Variants in SIGLEC7 observed in about 807,000 individuals in gnomAD.
SIGLEC7 encodes sialic acid binding Ig like lectin 7, also known as sialic acid-binding Ig-like lectin 7.
SIGLEC7 carries 33 observed loss-of-function variants against 40.8 expected under a neutral mutation model. That is an observed-to-expected ratio of 0.81 (90% CI 0.61 to 1.08). The LOEUF is 1.08. Ranked by LOEUF, SIGLEC7 falls within the 50% of genes least tolerant of loss-of-function variation. The pLI is 0.00. For synonymous variants in SIGLEC7, 242 were observed against 237.6 expected (o/e 1.02, Z -0.17); for missense variants, 513 against 576.1 (o/e 0.89, Z 1.12).
intron 6 of SIGLEC7, among the ~76,000 whole-genome samples, chr19:51,151,402 A>G (rs2122919574): frequency 6.6e-6 from 1 of 152,324 alleles, no homozygotes; most frequent in Middle Eastern, 3.4e-3. Context: ...TTGGACAAGA[A>G]CGCGGGGGTT....
rs896542794 is a variant in SIGLEC7 at position 51,150,832 on chromosome 19, C to T, written c.1222-2231C>T. On this transcript the variant is annotated intron_variant, in intron 6 of 6. Coordinates refer to ENST00000317643, the MANE Select transcript of SIGLEC7 (RefSeq NM_014385.4). ...GCCATGGGACATCTGTGTGATTAGA[C>T]AGAGGGAGGCAGGACTGAGAGCAGG... is the stretch of plus-strand genomic sequence containing the variant. Among the ~76,000 whole-genome samples the T allele has an allele frequency of 4.6e-5, 7 of 152,220 alleles. No individual in the cohort carries two copies. The East Asian group carries it at 1.4e-3, about 29-fold the overall frequency.
chr19:51,144,368 T>A, intron 1 of SIGLEC7, 38 bp from the exon 2 acceptor site: 1 of 1,566,260 alleles, frequency 6.4e-7, no homozygotes. Flanking sequence ...GTACCATGGA[T>A]CCTCTGTCCT....
chr19:51,144,837 T>A, intron 2 of SIGLEC7, 75 bp from the exon 3 acceptor site: 12 of 1,584,882 alleles, frequency 7.6e-6, no homozygotes, highest in Non-Finnish European at 1.0e-5. Flanking sequence ...TCCCCATTTA[T>A]GCAGCTCCTG....
chr19:51,148,763 T>C (rs1431857634), intron 6 of SIGLEC7, among the ~76,000 whole-genome samples: 2 of 152,232 alleles, frequency 1.3e-5, no homozygotes, highest in African/African-American at 4.8e-5. Context: ...GAAATTACCA[T>C]ACTGCTTTCC....
intron 6 of SIGLEC7, among the ~76,000 whole-genome samples, chr19:51,149,973 C>T (rs1471204197): frequency 6.6e-6 from 1 of 152,104 alleles, no homozygotes; most frequent in East Asian, 1.9e-4. Context: ...TATAGAAATA[C>T]TAGTGATTTT....
chr19:51,142,516 C>T lies in SIGLEC7; in HGVS notation c.147C>T (p.Ser49=). 6.2e-7 allele frequency: 1 copy of T among 1,614,188 alleles called. No individual in the cohort carries two copies. Among genetic ancestry groups the T allele is most frequent in the Non-Finnish European group, 8.5e-7 (1 of 1,180,032 alleles). ...GTGTCCATGTGCGCTGCTCCTTCTC[C>T]TACCCAGTGGACAGCCAGACTGACT... is the stretch of plus-strand genomic sequence containing the variant. ...GMCVHVRCSF[S]YPVDSQTDSD... The change falls in exon 1 of 7, where the codon TCC becomes TCT. Residue 49 remains serine, a synonymous_variant. Transcript: ENST00000317643. This position sits in a 1 kb window ranked among gnomAD's most constrained non-coding sequence, Gnocchi z 5.0.
Position 51,144,549 on chromosome 19 carries a change from C to A in SIGLEC7, c.577C>A (p.His193Asn). ...GATGGGGACCTCTGTGTCCCCCCTG[C>A]ACCCCTCCACCACCCGCTCCTCAGT... is the stretch of plus-strand genomic sequence containing the variant. The part of the protein sequence containing the change: ...SWMGTSVSPL[H>N]PSTTRSSVLT... The change falls in exon 2 of 7, where the codon CAC becomes AAC. Residue 193 changes from histidine (H) to asparagine (N), a missense_variant. His to Asn is a moderately conservative substitution (Grantham distance 68, BLOSUM62 1). Transcript: ENST00000317643. 1.2e-6 allele frequency: 2 copies of A among 1,613,804 alleles called. No individual in the cohort carries two copies. The highest frequency in any genetic ancestry group is 8.5e-7 in the Non-Finnish European group (1 of 1,179,940).
rs2092155204 is a variant in SIGLEC7, at chr19:51,153,113, G to A, written c.1272G>A (p.Leu424=). 4 of 1,605,834 alleles carry A rather than the reference G, an allele frequency of 2.5e-6. No homozygotes were observed. In the East Asian group the frequency reaches 9.0e-5, roughly 36 times the overall value. Residue 424 remains leucine (L), a synonymous_variant, in exon 7 of 7, where the codon CTG becomes CTA. Coordinates refer to ENST00000317643, the MANE Select transcript of SIGLEC7 (RefSeq NM_014385.4). The part of the protein sequence containing the change: ...WADDNPRHHG[L]AAHSSGEERE... ...ATGATAACCCCCGACACCATGGCCTGGCTGCCCACTCCTCAGGGGAGGAAA... is the reference window on the plus strand; with the variant it reads ...ATGATAACCCCCGACACCATGGCCTAGCTGCCCACTCCTCAGGGGAGGAAA...
chr19:51,146,050 C>T lies in SIGLEC7; in HGVS notation c.956C>T (p.Thr319Ile), dbSNP rs1199901541. The T allele has an allele frequency of 1.6e-5, 26 of 1,614,094 alleles. No homozygotes were observed. The highest frequency in any genetic ancestry group is 1.9e-5 in the Non-Finnish European group (22 of 1,180,050). The change falls in exon 4 of 7, where the codon ACC (threonine) becomes ATC (isoleucine). Residue 319 changes from threonine (T) to isoleucine (I), a missense_variant. Thr to Ile is a moderately conservative substitution (Grantham distance 89). Coordinates refer to ENST00000317643, the MANE Select transcript of SIGLEC7 (RefSeq NM_014385.4). The part of the protein sequence containing the change: ...QVHLGDEGEF[T>I]CRAQNSLGSQ... ...CACCTGGGGGATGAAGGGGAATTCA[C>T]CTGTCGAGCTCAGAACTCTCTGGGT...
At chr19:51,147,399 C>A in intron 6 of SIGLEC7, 82 bp downstream of exon 6, 2 of 1,227,168 alleles carry the variant, frequency 1.6e-6, no homozygotes, top group South Asian at 1.3e-5. Context: ...CTCTGCTTAT[C>A]ATGGCCAAAA....
chr19:51,146,706 C>A (rs368119903), intron 4 of SIGLEC7, 48 bp from the exon 5 acceptor site: 7 of 1,544,750 alleles, frequency 4.5e-6, no homozygotes, highest in Non-Finnish European at 6.2e-6. Context: ...GGAGAAGAGA[C>A]CCAGTTCTTG....
At chr19:51,144,723 G>A (rs569157569) in intron 2 of SIGLEC7, 39 bp downstream of exon 2, 2 of 1,602,502 alleles carry the variant, frequency 1.2e-6, no homozygotes, top group Non-Finnish European at 1.7e-6. Context: ...CCTGATGAGG[G>A]GGGGACGTCC....
At position 51,142,810 on chromosome 19, in the gene SIGLEC7, A is replaced by C. The variant is rs1203046073; in HGVS notation, c.433+8A>C. ...TCTCTGTGAACGTGACAGGTAAGGC[A>C]CGGGCTCCAAGAGAGGCCAAAGGCA... is the stretch of plus-strand genomic sequence containing the variant. On this transcript the variant is annotated splice_region_variant and intron_variant, in intron 1 of 6. Transcript: ENST00000317643. This position sits in a 1 kb window ranked among gnomAD's most constrained non-coding sequence, Gnocchi z 5.0. The C allele has an allele frequency of 1.3e-6, 2 of 1,578,868 alleles. No individual in the cohort carries two copies. Among genetic ancestry groups the C allele is most frequent in the African/African-American group, 2.7e-5 (2 of 74,282 alleles).
In SIGLEC7 at chr19:51,147,218, C is replaced by A; in HGVS notation, c.1125-3C>A. On this transcript the variant is annotated splice_polypyrimidine_tract_variant and splice_region_variant and intron_variant, in intron 5 of 6. Transcript: ENST00000317643. ...TGAAAGGCTCTCTGGTCTCTTCACT[C>A]AGAGTGAGGTCCTGCAGGAAGAAAT... 1 of 1,612,204 alleles carries A rather than the reference C, an allele frequency of 6.2e-7. No homozygotes were observed. Among genetic ancestry groups the A allele is most frequent in the Middle Eastern group, 1.7e-4 (1 of 5,898 alleles).
Position 51,142,901 on chromosome 19 carries a change from A to C in SIGLEC7, c.433+99A>C. On this transcript the variant is annotated intron_variant, in intron 1 of 6. Coordinates refer to ENST00000317643, the MANE Select transcript of SIGLEC7 (RefSeq NM_014385.4). The surrounding 1 kb of genome is among the most constrained non-coding windows in gnomAD (Gnocchi z 5.0). The stretch of plus-strand genomic sequence containing the variant: ...ATGTCCTGGGAGGGGGCCGGGGGTG[A>C]TGGACTCAGGAGAGGAGCTGGACCA... The C allele has an allele frequency of 7.7e-7, 1 of 1,301,992 alleles. No individual in the cohort carries two copies. The highest frequency in any genetic ancestry group is 1.1e-6 in the Non-Finnish European group (1 of 938,852). The allele number at this position is 1,301,992 out of a possible 1,614,324, so 80.7% of individuals were successfully genotyped here.
chr19:51,144,905 GT>G lies in SIGLEC7; in HGVS notation c.713-6del. ...GTGATGCAGGTCTCCATGTCTTTCT[GT>G]CCCAGACCCTCCTCAGAACTTGACT... On this transcript the variant is annotated splice_polypyrimidine_tract_variant and splice_region_variant and intron_variant, in intron 2 of 6. Transcript: ENST00000317643. The G allele has an allele frequency of 6.2e-7, 1 of 1,614,046 alleles. No homozygotes were observed. The highest frequency in any genetic ancestry group is 1.3e-5 in the African/African-American group (1 of 75,030).
At chr19:51,143,957 C>T (rs2092088397) in intron 1 of SIGLEC7, 2 of 470,676 alleles carry the variant, frequency 4.2e-6, no homozygotes, top group Non-Finnish European at 8.6e-6. Context: ...TAGCCCTGTC[C>T]ATGGATGCTG....
Position 51,153,325 on chromosome 19 carries a change from A to G in SIGLEC7, c.*80A>G. 1 of 1,162,854 alleles carries G rather than the reference A, an allele frequency of 8.6e-7. No homozygotes were observed. Among genetic ancestry groups the G allele is most frequent in the South Asian group, 1.9e-5 (1 of 53,070 alleles). The allele number at this position is 1,162,854 out of a possible 1,614,324, so 72.0% of individuals were successfully genotyped here. On this transcript the variant is annotated 3_prime_UTR_variant, in exon 7 of 7. Coordinates refer to ENST00000317643, the MANE Select transcript of SIGLEC7 (RefSeq NM_014385.4). ...GTCTGAGGCTGATTCCAGTAGAATTAGCAGCCCTCAATGCTGTGCAACAAG... is the reference window on the plus strand; with the variant it reads ...GTCTGAGGCTGATTCCAGTAGAATTGGCAGCCCTCAATGCTGTGCAACAAG...
In SIGLEC7 at chr19:51,144,476, C is replaced by T. The variant is rs751068411; in HGVS notation, c.504C>T (p.Cys168=). The change falls in exon 2 of 7, where the codon TGC becomes TGT. Residue 168 remains cysteine (C), a synonymous_variant. Transcript: ENST00000317643. ...CTGGCTGCTTCCAGAATCTGACCTGCTCTGTGCCCTGGGCCTGTGAGCAGG... is the reference window on the plus strand; with the variant it reads ...CTGGCTGCTTCCAGAATCTGACCTGTTCTGTGCCCTGGGCCTGTGAGCAGG... ...LESGCFQNLT[C]SVPWACEQGT... The T allele has an allele frequency of 2.5e-5, 40 of 1,613,778 alleles. No homozygotes were observed. The South Asian group carries it at 4.3e-4, about 17-fold the overall frequency.
Sources: allele counts gnomAD v4.1 joint callset (sites outside exome capture counted in the v4.1 genomes callset), GRCh38; gene constraint gnomAD v4.1.1; non-coding constraint Gnocchi (gnomAD v3.1); transcripts MANE v1.5; gene names NCBI Gene and HGNC (gene_info 2026-07-23, HGNC 2026-07-21).